SETX: variants seen among roughly 807,000 people sequenced by gnomAD.
SETX encodes senataxin.
Under a neutral mutation model 227.2 loss-of-function variants are expected in SETX, and 90 were observed. The observed-to-expected ratio is 0.40, with a 90% CI of 0.33 to 0.47. The LOEUF (loss-of-function observed/expected upper bound fraction) is 0.47, where lower values mean the gene tolerates loss of function less well. SETX is among the 20% of genes least tolerant of loss of function. The probability of loss-of-function intolerance (pLI) is 0.91; values close to 1 mark genes in which losing one functional copy is unlikely to be tolerated. For missense variants in SETX, 3,052 were observed against 3,181.5 expected (o/e 0.96, Z 0.98); for synonymous variants, 1,210 against 1,113.2 (o/e 1.09, Z -1.73).
chr9:132,354,537 G>A (rs1221315466), intron 1 of SETX, among the ~76,000 whole-genome samples: 1 of 151,672 alleles, frequency 6.6e-6, no homozygotes, highest in Non-Finnish European at 1.5e-5. Context: ...AACAAAGGGA[G>A]GGACTCCAGG....
In SETX at chr9:132,336,493, G is replaced by C. The variant is rs778772126; in HGVS notation, c.521C>G (p.Thr174Ser). The change falls in exon 6 of 26, where the codon ACT becomes AGT. Residue 174 changes from threonine (T) to serine (S), a missense_variant. By Grantham distance (58) the Thr-to-Ser change is moderately conservative (BLOSUM62 1). Coordinates refer to ENST00000224140, the MANE Select transcript of SETX (RefSeq NM_015046.7). ...GTCCACTTTCCCCAAGTTTCTTGCA[G>C]TCAAGATAGCCCAACGCCGAACCTA... The part of the protein sequence containing the change: ...NEMVRRWAIL[T>S]ARNLGKVDRD... 1.9e-6 allele frequency: 3 copies of C among 1,613,926 alleles called. No homozygotes were observed. In the South Asian group the frequency reaches 3.3e-5, roughly 18 times the overall value.
intron 19 of SETX, 56 bp downstream of exon 19, chr9:132,283,208 C>G: frequency 3.7e-6 from 6 of 1,605,170 alleles, no homozygotes; most frequent in South Asian, 2.2e-5. Flanking sequence ...CACAATTCAT[C>G]TAAGACTTAC....
rs781201908 is a variant in SETX at position 132,278,116 on chromosome 9, G to C, written c.6796C>G (p.Leu2266Val). Residue 2266 changes from leucine (L) to valine (V), a missense_variant, in exon 21 of 26, where the codon CTC (leucine) becomes GTC (valine). Physicochemically the swap from Leu to Val is conservative, Grantham distance 32. Transcript: ENST00000224140. ...TTATAAACATAATTAGAAGGGAAGA[G>C]GCATATGTCTGGATGCATCCTGTAC... Reference protein sequence around the residue: ...VQYRMHPDICLFPSNYVYNRN... With the variant: ...VQYRMHPDICVFPSNYVYNRN... 13 of 1,613,964 alleles carry C rather than the reference G, an allele frequency of 8.1e-6. No homozygotes were observed. The highest frequency in any genetic ancestry group is 1.3e-5 in the African/African-American group (1 of 74,916).
rs113318726 is a variant in SETX, at chr9:132,332,702, G to A, written c.839-1254C>T. Reference sequence around the variant, plus strand: ...TTTGGGAGGCCGAGGCAGGAGGACTGCTTGAGGTCAGGAGTTCAAGACCAG... The same window carrying A: ...TTTGGGAGGCCGAGGCAGGAGGACTACTTGAGGTCAGGAGTTCAAGACCAG... On this transcript the variant is annotated intron_variant, in intron 7 of 25. Transcript: ENST00000224140. Among the ~76,000 whole-genome samples, 430 of 151,852 alleles carry A rather than the reference G, an allele frequency of 2.8e-3. 4 individuals are homozygous for A. Among genetic ancestry groups the A allele is most frequent in the African/African-American group, 0.01 (418 of 41,440 alleles).
intron 5 of SETX, among the ~76,000 whole-genome samples, chr9:132,336,847 T>G (rs1329702598): frequency 1.3e-5 from 2 of 152,222 alleles, no homozygotes; most frequent in African/African-American, 2.4e-5. Context: ...GCAGATCACC[T>G]GAGGTCAGGA....
intron 6 of SETX, among the ~76,000 whole-genome samples, chr9:132,336,085 TAC>T (rs1554823271): frequency 6.6e-6 from 1 of 152,028 alleles, no homozygotes; most frequent in Non-Finnish European, 1.5e-5. Flanking sequence ...CTACTAAAAA[TAC>T]AAAAAATTAG....
Position 132,327,358 on chromosome 9 carries a change from T to C in SETX, c.4240A>G (p.Ile1414Val), listed in dbSNP as rs770358641. Reference protein sequence around the residue: ...VLANSNRKQLIKCMPSEPETI... With the variant: ...VLANSNRKQLVKCMPSEPETI... ...TCTGGTTCAGAAGGCATGCATTTTA[T>C]TAACTGTTTTCTGTTACTGTTGGCA... Residue 1414 changes from isoleucine (I) to valine (V), a missense_variant, in exon 10 of 26, where the codon ATA becomes GTA. Physicochemically the swap from Ile to Val is conservative, Grantham distance 29. Coordinates refer to ENST00000224140, the MANE Select transcript of SETX (RefSeq NM_015046.7). 4 of 1,614,264 alleles carry C rather than the reference T, an allele frequency of 2.5e-6. No homozygotes were observed. The highest frequency in any genetic ancestry group is 1.1e-5 in the South Asian group (1 of 91,092).
intron 11 of SETX, among the ~76,000 whole-genome samples, chr9:132,310,605 C>T (rs763595166): frequency 1.3e-5 from 2 of 152,216 alleles, no homozygotes; most frequent in South Asian, 4.1e-4. Flanking sequence ...AAAAATGGCT[C>T]ACTGTTACTA....
intron 5 of SETX, among the ~76,000 whole-genome samples, chr9:132,341,752 T>C (rs1191376963): frequency 6.6e-6 from 1 of 152,146 alleles, no homozygotes; most frequent in African/African-American, 2.4e-5. Context: ...GAGTGCAGAG[T>C]TTGGCTTTGG....
intron 5 of SETX, 113 bp downstream of exon 5, chr9:132,342,577 A>G: frequency 2.3e-6 from 2 of 885,214 alleles, no homozygotes; most frequent in Non-Finnish European, 3.8e-6. Flanking sequence ...TTTTAAAGCA[A>G]GAAAAATTTT....
chr9:132,285,053 T>G (rs1342046923), intron 18 of SETX, among the ~76,000 whole-genome samples: 1 of 152,026 alleles, frequency 6.6e-6, no homozygotes, highest in Non-Finnish European at 1.5e-5. Context: ...TAATTTTTTG[T>G]ATTTTATTAG....
At chr9:132,302,681 C>CAAAAAAAAAAAAAAAAAAAAGA (rs57673567) in intron 11 of SETX, among the ~76,000 whole-genome samples, 23 of 78,336 alleles carry the variant, frequency 2.9e-4, no homozygotes, top group Middle Eastern at 7.7e-3. Flanking sequence ...AAAAAAAAAG[C>CAAAAAAAAAAAAAAAAAAAAGA]AAAAAAAAAA....
At chr9:132,330,903 A>C in intron 9 of SETX, 149 bp downstream of exon 9, 1 of 687,724 alleles carries the variant, frequency 1.5e-6, no homozygotes, top group Non-Finnish European at 2.6e-6. Flanking sequence ...CACACAATAC[A>C]TCTGCTGTTC....
At chr9:132,347,395 C>G (rs886940063) in intron 3 of SETX, among the ~76,000 whole-genome samples, 44 of 152,000 alleles carry the variant, frequency 2.9e-4, no homozygotes, top group African/African-American at 1.1e-3. Context: ...TCACCGCAAC[C>G]TTGGCCTCCC....
rs1240630176 is a variant in SETX, at chr9:132,304,912, G to A, written c.5375-4109C>T. On this transcript the variant is annotated intron_variant, in intron 11 of 25. Coordinates refer to ENST00000224140, the MANE Select transcript of SETX (RefSeq NM_015046.7). ...CTTGGGAGGCTGAGGCAGGAGAATC[G>A]CTTGAAGCCAGGAGGCGGGATGCAG... Among the ~76,000 whole-genome samples, 2 of 151,968 alleles carry A rather than the reference G, an allele frequency of 1.3e-5. 1 individual carries two copies. Among genetic ancestry groups the A allele is most frequent in the South Asian group, 4.2e-4 (2 of 4,808 alleles).
Position 132,352,320 on chromosome 9 carries a change from T to C in SETX, c.-8+1329A>G, listed in dbSNP as rs74386852. On this transcript the variant is annotated intron_variant, in intron 2 of 25. Coordinates refer to ENST00000224140, the MANE Select transcript of SETX (RefSeq NM_015046.7). ...TAATTACCCCTGCCTTTGTTACTCA[T>C]ATAAATGCTAAAGTTTTCGAAGGCT... Among the ~76,000 whole-genome samples, 164 of 152,340 alleles carry C rather than the reference T, an allele frequency of 1.1e-3. 2 individuals are homozygous for C. The East Asian group carries it at 0.026, about 24-fold the overall frequency.
intron 5 of SETX, among the ~76,000 whole-genome samples, chr9:132,340,225 G>A (rs543023865): frequency 9.2e-5 from 14 of 151,788 alleles, no homozygotes; most frequent in Non-Finnish European, 1.8e-4. Context: ...TATACTTTAA[G>A]TTCTAGGGTC....
At chr9:132,273,817 A>T (rs557698420) in intron 23 of SETX, among the ~76,000 whole-genome samples, 1 of 152,308 alleles carries the variant, frequency 6.6e-6, no homozygotes, top group East Asian at 1.9e-4. Flanking sequence ...GCTCTGGCTA[A>T]AACCTCTAGT....
chr9:132,328,036 T>C lies in SETX; in HGVS notation c.3562A>G (p.Thr1188Ala). Reference sequence around the variant, plus strand: ...TTTCCCACAAGATCTCTCTTATTAGTATCAGACTGGCCCTCATTTCTGACA... The same window carrying C: ...TTTCCCACAAGATCTCTCTTATTAGCATCAGACTGGCCCTCATTTCTGACA... ...SSVRNEGQSD[T>A]NKRDLVGNDF... is the part of the protein sequence containing the mutation. Residue 1188 changes from threonine to alanine, a missense_variant, in exon 10 of 26, where the codon ACT becomes GCT. By Grantham distance (58) the Thr-to-Ala change is moderately conservative. Around this residue, in one of 10 missense-constraint regions of SETX, gnomAD observed 1,483 missense variants for 1,312.0 expected, o/e 1.13. Transcript: ENST00000224140. 6.2e-7 allele frequency: 1 copy of C among 1,614,166 alleles called. No individual in the cohort carries two copies. Among genetic ancestry groups the C allele is most frequent in the Non-Finnish European group, 8.5e-7 (1 of 1,180,024 alleles).
Sources: gnomAD v4.1 joint callset for allele counts (sites outside exome capture counted in the v4.1 genomes callset) on GRCh38, gnomAD v4.1.1 for gene constraint, gnomAD v4.1.1 regional missense constraint, MANE v1.5 for transcripts, NCBI Gene and HGNC (gene_info 2026-07-23, HGNC 2026-07-21) for gene names.